ZFHX4: variants seen among roughly 807,000 people sequenced by gnomAD.
ZFHX4 encodes the protein zinc finger homeobox 4.
A neutral mutation model predicts 267.6 loss-of-function variants in ZFHX4; 56 were observed. That is an observed-to-expected ratio of 0.21 (90% CI 0.17 to 0.26). ZFHX4 has a LOEUF of 0.26. Among genes scored for constraint, ZFHX4 ranks in the 10% least tolerant of loss-of-function variants. The probability of loss-of-function intolerance (pLI) is 1.00; values close to 1 mark genes in which losing one functional copy is unlikely to be tolerated. For missense variants in ZFHX4, 4,332 were observed against 4,420.0 expected, an observed-to-expected ratio of 0.98 and a Z score of 0.56; for synonymous variants, 1,778 against 1,665.6, an observed-to-expected ratio of 1.07 and a Z score of -1.64.
Position 76,813,299 on chromosome 8 carries a change from C to T in ZFHX4, c.3326-20039C>T, listed in dbSNP as rs577721062. Among the ~76,000 whole-genome samples the T allele has an allele frequency of 3.3e-5, 5 of 152,060 alleles. No homozygotes were observed. In the South Asian group the frequency reaches 6.2e-4, roughly 19 times the overall value. ...GGCACCTTTTTCCCCGGTACAGTCT[C>T]GTAAGAATTTTCTTTTATTGAGAAT... On this transcript the variant is annotated intron_variant, in intron 4 of 10. Transcript: ENST00000651372.
chr8:76,738,688 T>G (rs371504327), intron 3 of ZFHX4, among the ~76,000 whole-genome samples: 279 of 102,344 alleles, frequency 2.7e-3, no homozygotes, highest in African/African-American at 0.01. Flanking sequence ...CCTCCCTCCC[T>G]CCTCCCTCCC....
chr8:76,690,794 G>A (rs1807803337), intron 1 of ZFHX4, among the ~76,000 whole-genome samples: 1 of 151,728 alleles, frequency 6.6e-6, no homozygotes, highest in African/African-American at 2.4e-5. Flanking sequence ...CTCTTTAGAT[G>A]CATTCCTAGT....
rs772446356 is a variant in ZFHX4 at position 76,842,760 on chromosome 8, A to G, written c.3500A>G (p.Asn1167Ser). The G allele has an allele frequency of 2.6e-6, 4 of 1,550,886 alleles. No individual in the cohort carries two copies. The South Asian group carries it at 4.8e-5, about 18-fold the overall frequency. ...GACAATAGTGAAGGCAAAAACTCTA[A>G]TAAAGACTCTGGTAAGATGCAAGAA... ...ERDNSEGKNS[N>S]KDSGIITPEK... Residue 1167 changes from asparagine (N) to serine (S), a missense_variant, in exon 6 of 11, where the codon AAT becomes AGT. Asn to Ser is a conservative substitution (Grantham distance 46, BLOSUM62 1). Around this residue, in one of 7 missense-constraint regions of ZFHX4, gnomAD observed 1,371 missense variants for 1,423.1 expected, o/e 0.96. Transcript: ENST00000651372.
At chr8:76,768,633 T>G (rs772816755) in intron 3 of ZFHX4, among the ~76,000 whole-genome samples, 7 of 152,182 alleles carry the variant, frequency 4.6e-5, no homozygotes, top group Non-Finnish European at 8.8e-5. Flanking sequence ...GAGGAGCAGA[T>G]GCAGGACTAA....
chr8:76,706,535 C>G lies in ZFHX4; in HGVS notation c.2447C>G (p.Ala816Gly). The change falls in exon 2 of 11, where the codon GCG becomes GGG. Residue 816 changes from alanine (A) to glycine (G), a missense_variant. Physicochemically the swap from Ala to Gly is moderately conservative, Grantham distance 60. Coordinates refer to ENST00000651372, the MANE Select transcript of ZFHX4 (RefSeq NM_024721.5). ...AATCTGCACTTGGGCCTCGCCCCGG[C>G]GGAAGCAGAGCTTTATCAGTACTAC... Reference protein sequence around the residue: ...QHNLHLGLAPAEAELYQYYLA... With the variant: ...QHNLHLGLAPGEAELYQYYLA... The G allele has an allele frequency of 6.2e-7, 1 of 1,613,278 alleles. No homozygotes were observed. Among genetic ancestry groups the G allele is most frequent in the South Asian group, 1.1e-5 (1 of 90,908 alleles).
chr8:76,838,095 AGTT>A (rs1458517317), intron 5 of ZFHX4, among the ~76,000 whole-genome samples: 1 of 152,216 alleles, frequency 6.6e-6, no homozygotes, highest in Non-Finnish European at 1.5e-5. Flanking sequence ...AGTGAAGAAA[AGTT>A]GTTCTAAATA....
intron 3 of ZFHX4, among the ~76,000 whole-genome samples, chr8:76,752,781 A>G (rs1809655605): frequency 6.6e-6 from 1 of 152,186 alleles, no homozygotes; most frequent in Admixed American, 6.5e-5. Flanking sequence ...GGTTCCAAAT[A>G]ATTTTTACAT....
chr8:76,847,108 T>A (rs1025663859), intron 6 of ZFHX4, among the ~76,000 whole-genome samples: 18 of 152,210 alleles, frequency 1.2e-4, no homozygotes, highest in African/African-American at 4.3e-4. Flanking sequence ...AATGATTTTA[T>A]ACAACTTGGT....
rs765304376 is a variant in ZFHX4 at position 76,706,547 on chromosome 8, T to C, written c.2459T>C (p.Leu820Pro). ...HLGLAPAEAE[L>P]YQYYLAQNIG... ...GGCCTCGCCCCGGCGGAAGCAGAGC[T>C]TTATCAGTACTACCTAGCCCAGAAC... Residue 820 changes from leucine to proline, a missense_variant, in exon 2 of 11, where the codon CTT becomes CCT. Leu to Pro is a moderately conservative substitution (Grantham distance 98, BLOSUM62 -3). Coordinates refer to ENST00000651372, the MANE Select transcript of ZFHX4 (RefSeq NM_024721.5). 1.9e-6 allele frequency: 3 copies of C among 1,613,040 alleles called. No homozygotes were observed. The Admixed American group carries it at 5.0e-5, about 27-fold the overall frequency.
At chr8:76,832,461 A>G (rs1361364639) in intron 4 of ZFHX4, among the ~76,000 whole-genome samples, 2 of 152,148 alleles carry the variant, frequency 1.3e-5, no homozygotes, top group Admixed American at 1.3e-4. Flanking sequence ...TCTATTTTCT[A>G]AAAAGATGAC....
Position 76,854,365 on chromosome 8 carries a change from C to A in ZFHX4, c.7444C>A (p.Leu2482Ile). The A allele has an allele frequency of 6.2e-7, 1 of 1,613,938 alleles. No individual in the cohort carries two copies. Among genetic ancestry groups the A allele is most frequent in the Non-Finnish European group, 8.5e-7 (1 of 1,179,870 alleles). Residue 2482 changes from leucine (L) to isoleucine (I), a missense_variant, in exon 10 of 11, where the codon CTC (leucine) becomes ATC (isoleucine). Leu to Ile is a conservative substitution (Grantham distance 5). Transcript: ENST00000651372. ...TCCACTGCAAATTTCCATGACGTCT[C>A]TCCAGAACAGTCTACCTCCACAGTT... ...SSPLQISMTS[L>I]QNSLPPQLLQ...
In ZFHX4 at chr8:76,863,654, G is replaced by A; in HGVS notation, c.9940G>A (p.Ala3314Thr). 3 of 1,610,372 alleles carry A rather than the reference G, an allele frequency of 1.9e-6. No homozygotes were observed. Among genetic ancestry groups the A allele is most frequent in the Non-Finnish European group, 2.5e-6 (3 of 1,178,172 alleles). The part of the protein sequence containing the change: ...PQTLAGLSPG[A>T]LLQQYQQYQQ... ...GACACTGGCAGGTCTGTCCCCAGGT[G>A]CACTGTTGCAGCAGTACCAACAGTA... is the stretch of plus-strand genomic sequence containing the variant. Residue 3314 changes from alanine to threonine, a missense_variant, in exon 11 of 11, where the codon GCA becomes ACA. Ala to Thr is a moderately conservative substitution (Grantham distance 58). This residue lies in a region of ZFHX4 where 1,648 missense variants were observed against 1,625.0 expected (regional missense o/e 1.01). Coordinates refer to ENST00000651372, the MANE Select transcript of ZFHX4 (RefSeq NM_024721.5).
At chr8:76,706,988 G>A (rs78857794) in intron 2 of ZFHX4, among the ~76,000 whole-genome samples, 5,256 of 152,214 alleles carry the variant, frequency 0.035, 247 homozygotes, top group East Asian at 0.24. Context: ...ACCTTACAAG[G>A]TTTATAGTTT....
chr8:76,711,319 G>T (rs1016018321), intron 3 of ZFHX4, among the ~76,000 whole-genome samples: 3 of 152,108 alleles, frequency 2.0e-5, no homozygotes, highest in Admixed American at 6.6e-5. Flanking sequence ...CCAGAAATTT[G>T]ATTGATGAAA....
chr8:76,733,044 C>CT (rs1300972292), intron 3 of ZFHX4, among the ~76,000 whole-genome samples: 2 of 152,168 alleles, frequency 1.3e-5, no homozygotes, highest in Non-Finnish European at 2.9e-5. Context: ...ATATCCCTCT[C>CT]TGTGTCTAGC....
rs1465820084 is a variant in ZFHX4 at position 76,865,774 on chromosome 8, A to T, written c.*1209A>T. ...GCCCTGCGCACGTAGGACTGAATTC[A>T]GTGATATCCCTATACACTGCCATTT... On this transcript the variant is annotated 3_prime_UTR_variant, in exon 11 of 11. Coordinates refer to ENST00000651372, the MANE Select transcript of ZFHX4 (RefSeq NM_024721.5). 1 of 152,632 alleles carries T rather than the reference A, an allele frequency of 6.6e-6. No individual in the cohort carries two copies. The highest frequency in any genetic ancestry group is 1.5e-5 in the Non-Finnish European group (1 of 68,034). 9.5% of individuals were successfully genotyped at this position (152,632 alleles called of 1,614,324 possible).
At chr8:76,820,512 G>A (rs1050024168) in intron 4 of ZFHX4, among the ~76,000 whole-genome samples, 2 of 152,160 alleles carry the variant, frequency 1.3e-5, no homozygotes, top group Non-Finnish European at 2.9e-5. Context: ...CATCTGATTA[G>A]TCATGCAGCA....
chr8:76,782,977 A>G (rs1057155784), intron 4 of ZFHX4, among the ~76,000 whole-genome samples: 7 of 152,030 alleles, frequency 4.6e-5, no homozygotes, highest in Non-Finnish European at 8.8e-5. Flanking sequence ...TTTCTTTTAC[A>G]TATATCTTGC....
intron 4 of ZFHX4, among the ~76,000 whole-genome samples, chr8:76,798,609 G>A (rs1811042592): frequency 6.6e-6 from 1 of 152,158 alleles, no homozygotes; most frequent in Admixed American, 6.6e-5. Flanking sequence ...ATTGCTCATG[G>A]CAAGTGTATT....
Sources: gnomAD v4.1 joint callset for allele counts (sites outside exome capture counted in the v4.1 genomes callset) on GRCh38, gnomAD v4.1.1 for gene constraint, gnomAD v4.1.1 regional missense constraint, MANE v1.5 for transcripts, NCBI Gene and HGNC (gene_info 2026-07-23, HGNC 2026-07-21) for gene names.